RAD52: variants seen among roughly 807,000 people sequenced by gnomAD.
RAD52 encodes the protein DNA repair protein RAD52 homolog.
RAD52 carries 47 observed loss-of-function variants against 55.5 expected under a neutral mutation model. The ratio of observed to expected loss-of-function variants is 0.85; its 90% CI spans 0.67 to 1.08. The LOEUF (loss-of-function observed/expected upper bound fraction) is 1.08. RAD52 is among the 50% of genes least tolerant of loss of function. The pLI is 0.00. For synonymous variants in RAD52, 184 were observed against 198.9 expected, an observed-to-expected ratio of 0.92 and a Z score of 0.63; for missense variants, 468 against 522.8, an observed-to-expected ratio of 0.90 and a Z score of 1.02.
chr12:977,661 G>A (rs1015333276), intron 1 of RAD52, among the ~76,000 whole-genome samples: 2 of 152,180 alleles, frequency 1.3e-5, no homozygotes, highest in African/African-American at 2.4e-5. Context: ...AGTAGGTAAC[G>A]GGGAAGTGAG....
intron 1 of RAD52, among the ~76,000 whole-genome samples, chr12:957,557 G>A (rs1376301583): frequency 2.6e-5 from 4 of 151,734 alleles, no homozygotes; most frequent in Non-Finnish European, 4.4e-5. Flanking sequence ...AGGCCAAGGC[G>A]GGTCAATCAC....
At chr12:986,733 G>T (rs1959090239) in intron 1 of RAD52, among the ~76,000 whole-genome samples, 1 of 149,964 alleles carries the variant, frequency 6.7e-6, no homozygotes, top group African/African-American at 2.5e-5. Context: ...CCTAAAAGCA[G>T]CATCTTCTAA....
chr12:914,566 T>C (rs1956256756), intron 9 of RAD52, 34 bp from the exon 10 acceptor site: 1 of 1,610,960 alleles, frequency 6.2e-7, no homozygotes, highest in Non-Finnish European at 8.5e-7. Context: ...GGACAAGTCA[T>C]CATCACATCA....
rs1454645081 is a variant in RAD52, at chr12:930,073, G to A, written c.258C>T (p.His86=). The stretch of plus-strand genomic sequence containing the variant: ...CACCCACATTCTGCTGCGTGATGGA[G>A]TGTGCCCAGCCATTGTAACCAAACA... ...NEMFGYNGWA[H]SITQQNVDFV... is the part of the protein sequence containing the mutation. Residue 86 remains histidine (H), a synonymous_variant, in exon 4 of 12, where the codon CAC becomes CAT. Coordinates refer to ENST00000358495, the MANE Select transcript of RAD52 (RefSeq NM_134424.4). 1 of 1,614,000 alleles carries A rather than the reference G, an allele frequency of 6.2e-7. No homozygotes were observed. Among genetic ancestry groups the A allele is most frequent in the East Asian group, 2.2e-5 (1 of 44,884 alleles).
At chr12:918,577 T>TTTATTG (rs1956536168) in intron 7 of RAD52, among the ~76,000 whole-genome samples, 1 of 152,046 alleles carries the variant, frequency 6.6e-6, no homozygotes, top group Non-Finnish European at 1.5e-5. Context: ...TATTTTTATT[T>TTTATTG]TTATTTTTAT....
At chr12:985,898 C>T (rs61917252) in intron 1 of RAD52, among the ~76,000 whole-genome samples, 33,596 of 151,650 alleles carry the variant, frequency 0.22, 4,497 homozygotes, top group Non-Finnish European at 0.31. Context: ...CCTTGGCCTC[C>T]CAAAGTGCTG....
intron 1 of RAD52, among the ~76,000 whole-genome samples, chr12:965,093 C>T (rs1267083033): frequency 6.6e-6 from 1 of 151,896 alleles, no homozygotes; most frequent in Non-Finnish European, 1.5e-5. Context: ...GATTCTCCTG[C>T]CTCAGCCTCC....
At position 936,532 on chromosome 12, in the gene RAD52, A is replaced by C. The variant is rs560910202; in HGVS notation, c.-18-3456T>G. 6.0e-5 allele frequency among the ~76,000 whole-genome samples: 9 copies of C among 150,196 alleles called. No individual in the cohort carries two copies. In the South Asian group the frequency reaches 1.9e-3, roughly 32 times the overall value. ...TTAAGAGACAGCGTCTTGCTCTGTT[A>C]CCCAGGCTGGAATGCAGTGGTGCAA... On this transcript the variant is annotated intron_variant, in intron 1 of 11. Transcript: ENST00000358495.
intron 1 of RAD52, among the ~76,000 whole-genome samples, chr12:935,410 C>T (rs1036750532): frequency 2.9e-5 from 4 of 136,954 alleles, no homozygotes; most frequent in Non-Finnish European, 4.6e-5. Context: ...GTAAGCGTTT[C>T]GCTCTTGTCG....
intron 7 of RAD52, among the ~76,000 whole-genome samples, chr12:923,362 C>G (rs1956840799): frequency 6.6e-6 from 1 of 151,282 alleles, no homozygotes. Flanking sequence ...GAAATTCTGT[C>G]TCTACAAAAA....
intron 1 of RAD52, chr12:974,712 CTAAG>C (rs1446711665): frequency 5.3e-5 from 8 of 152,334 alleles, no homozygotes; most frequent in East Asian, 3.9e-4. Flanking sequence ...TTACTACATA[CTAAG>C]TAAGTGATGA....
chr12:930,548 A>G (rs1349545073), intron 3 of RAD52, among the ~76,000 whole-genome samples: 3 of 152,218 alleles, frequency 2.0e-5, no homozygotes, highest in Non-Finnish European at 4.4e-5. Context: ...ATGGAAGACC[A>G]AAAATATACA....
intron 1 of RAD52, among the ~76,000 whole-genome samples, chr12:935,601 C>A (rs1255602371): frequency 2.6e-5 from 4 of 151,504 alleles, no homozygotes; most frequent in African/African-American, 9.7e-5. Flanking sequence ...CGCCTGTAAT[C>A]CCAACACTTC....
chr12:989,254 G>A (rs1959135079), intron 1 of RAD52, among the ~76,000 whole-genome samples: 1 of 152,112 alleles, frequency 6.6e-6, no homozygotes, highest in African/African-American at 2.4e-5. Context: ...CTTCTGGGCT[G>A]ACAGGTCCCC....
intron 1 of RAD52, among the ~76,000 whole-genome samples, chr12:982,342 C>A (rs1959028649): frequency 6.6e-6 from 1 of 152,190 alleles, no homozygotes; most frequent in African/African-American, 2.4e-5. Context: ...TTTTTCAAAT[C>A]TTCAAGTTTT....
At position 944,620 on chromosome 12, in the gene RAD52, A is replaced by AC. The variant is rs142399465; in HGVS notation, c.-19+4981_-19+4982insG. ...AATAAAAACATGGTAAAAAAAAAAA[A>AC]AAAAAAAACTCAGGGGTAGAAGGGA... On this transcript the variant is annotated intron_variant, in intron 1 of 11. Coordinates refer to ENST00000358495, the MANE Select transcript of RAD52 (RefSeq NM_134424.4). Among the ~76,000 whole-genome samples the AC allele has an allele frequency of 5.3e-5, 8 of 150,662 alleles. No individual in the cohort carries two copies. In the South Asian group the frequency reaches 8.4e-4, roughly 16 times the overall value.
upstream of RAD52, among the ~76,000 whole-genome samples, chr12:950,983 C>G (rs908494612): frequency 6.6e-6 from 1 of 152,126 alleles, no homozygotes; most frequent in Non-Finnish European, 1.5e-5. Context: ...AACTCCCAAC[C>G]TCAGGTGATC....
intron 9 of RAD52, 79 bp downstream of exon 9, chr12:916,265 C>G (rs1351837543): frequency 2.5e-6 from 4 of 1,568,946 alleles, no homozygotes; most frequent in Admixed American, 1.9e-5. Flanking sequence ...CCAGGGTTAC[C>G]GCAGAGAATC....
intron 1 of RAD52, among the ~76,000 whole-genome samples, chr12:948,426 G>A (rs1218323280): frequency 6.6e-6 from 1 of 152,162 alleles, no homozygotes; most frequent in Non-Finnish European, 1.5e-5. Context: ...TAGACTGGGT[G>A]TGGTGGCTCA....
Sources: gnomAD v4.1 joint callset for allele counts (sites outside exome capture counted in the v4.1 genomes callset) on GRCh38, gnomAD v4.1.1 for gene constraint, MANE v1.5 for transcripts, NCBI Gene and HGNC (gene_info 2026-07-23, HGNC 2026-07-21) for gene names.